WDR7: variants seen among roughly 807,000 people sequenced by gnomAD.
The protein encoded by WDR7 is WD repeat domain 7, also known as WD repeat-containing protein 7.
In WDR7, 46 loss-of-function variants were observed where a neutral mutation model predicts 169.4. That is an observed-to-expected ratio of 0.27 (90% CI 0.21 to 0.35). The LOEUF is 0.35. Ranked by LOEUF, WDR7 falls within the 10% of genes least tolerant of loss-of-function variation. WDR7 has a pLI of 1.00. For synonymous variants in WDR7, 612 were observed against 666.8 expected (o/e 0.92, Z 1.27); for missense variants, 1,534 against 1,859.3 (o/e 0.83, Z 3.22).
intron 16 of WDR7, among the ~76,000 whole-genome samples, chr18:56,765,802 G>GTATC (rs201760137): frequency 1.3e-5 from 2 of 151,758 alleles, no homozygotes; most frequent in Admixed American, 6.6e-5. Context: ...ATGTATGTAT[G>GTATC]TATCTATCTA....
chr18:56,663,379 T>C (rs2024947286), intron 1 of WDR7, among the ~76,000 whole-genome samples: 1 of 152,190 alleles, frequency 6.6e-6, no homozygotes, highest in Non-Finnish European at 1.5e-5. Flanking sequence ...GTGATTTGAA[T>C]ATGGACTAGT....
chr18:56,961,005 C>T (rs980289054), intron 25 of WDR7, among the ~76,000 whole-genome samples: 2 of 151,974 alleles, frequency 1.3e-5, no homozygotes, highest in African/African-American at 2.4e-5. Context: ...TGAGCATTAA[C>T]CTTCCACTAA....
intron 18 of WDR7, 131 bp from the exon 19 acceptor site, chr18:56,781,402 G>T: frequency 1.0e-6 from 1 of 991,018 alleles, no homozygotes; most frequent in East Asian, 3.2e-5. Context: ...TCGGTTAATA[G>T]TGTTTTTCAT....
At chr18:56,907,851 C>T (rs2046500506) in intron 21 of WDR7, among the ~76,000 whole-genome samples, 1 of 152,078 alleles carries the variant, frequency 6.6e-6, no homozygotes, top group South Asian at 2.1e-4. Context: ...GGACCCCCAC[C>T]TCGTAATACC....
chr18:56,840,554 C>G (rs544113087), intron 20 of WDR7, among the ~76,000 whole-genome samples: 1 of 152,256 alleles, frequency 6.6e-6, no homozygotes, highest in Non-Finnish European at 1.5e-5. Flanking sequence ...GACACAGTGG[C>G]TCACTCCTGC....
intron 26 of WDR7, among the ~76,000 whole-genome samples, chr18:56,999,847 A>C (rs971947747): frequency 1.3e-5 from 2 of 152,190 alleles, no homozygotes; most frequent in African/African-American, 4.8e-5. Context: ...ACCCCCCTAG[A>C]GAACGGACCA....
At chr18:56,958,462 A>AT (rs1291318866) in intron 25 of WDR7, among the ~76,000 whole-genome samples, 5 of 151,824 alleles carry the variant, frequency 3.3e-5, no homozygotes, top group Non-Finnish European at 5.9e-5. Flanking sequence ...TCTTAGAGTC[A>AT]TTTTTTTTCC....
the WDR7 span, chr18:57,035,833 G>A: frequency 6.6e-6 from 1 of 152,218 alleles, no homozygotes; most frequent in Non-Finnish European, 1.5e-5. Flanking sequence ...AAGATGGGAG[G>A]GCAGCCAACA....
At chr18:56,691,395 A>G in intron 8 of WDR7, 34 bp downstream of exon 8, 1 of 1,541,920 alleles carries the variant, frequency 6.5e-7, no homozygotes, top group East Asian at 2.4e-5. Flanking sequence ...GACAGTCATC[A>G]AAAGTAAAAG....
At chr18:56,918,997 A>C (rs1031499221) in intron 21 of WDR7, among the ~76,000 whole-genome samples, 30 of 152,226 alleles carry the variant, frequency 2.0e-4, no homozygotes, top group African/African-American at 7.0e-4. Flanking sequence ...CAATAGAATA[A>C]ATGCCAAAAG....
At chr18:56,814,944 G>A (rs2044939285) in intron 19 of WDR7, among the ~76,000 whole-genome samples, 1 of 152,120 alleles carries the variant, frequency 6.6e-6, no homozygotes, top group African/African-American at 2.4e-5. Flanking sequence ...TAGTCCACAA[G>A]TTTAAATCCT....
At chr18:56,762,187 T>A (rs2043989605) in intron 16 of WDR7, among the ~76,000 whole-genome samples, 1 of 152,072 alleles carries the variant, frequency 6.6e-6, no homozygotes, top group African/African-American at 2.4e-5. Flanking sequence ...TTTGTTTTGA[T>A]GTATTATTTT....
chr18:56,854,739 G>A (rs2045692740), intron 20 of WDR7, among the ~76,000 whole-genome samples: 1 of 152,136 alleles, frequency 6.6e-6, no homozygotes, highest in African/African-American at 2.4e-5. Context: ...ATTAGACAAA[G>A]TAGGTGAGGG....
At chr18:57,010,787 AG>A (rs1487701262) in intron 26 of WDR7, among the ~76,000 whole-genome samples, 4 of 152,158 alleles carry the variant, frequency 2.6e-5, no homozygotes, top group Non-Finnish European at 5.9e-5. Flanking sequence ...CAGCAAGAAA[AG>A]GGGAAAGAAG....
chr18:56,723,891 T>C (rs1228858780), intron 13 of WDR7, among the ~76,000 whole-genome samples: 1 of 152,018 alleles, frequency 6.6e-6, no homozygotes, highest in Non-Finnish European at 1.5e-5. Context: ...CTTTTTTTGG[T>C]TTCATTTTAT....
chr18:56,945,600 G>A (rs1172253678), intron 25 of WDR7, among the ~76,000 whole-genome samples: 1 of 152,212 alleles, frequency 6.6e-6, no homozygotes, highest in Non-Finnish European at 1.5e-5. Flanking sequence ...AGATAGGAAG[G>A]TGAAATTTAG....
At chr18:57,019,374 G>C (rs1221731109) in intron 26 of WDR7, among the ~76,000 whole-genome samples, 1 of 152,092 alleles carries the variant, frequency 6.6e-6, no homozygotes, top group African/African-American at 2.4e-5. Context: ...TTACAAACAT[G>C]GGTACTCTGC....
chr18:56,788,668 T>G (rs1289671369), intron 19 of WDR7, among the ~76,000 whole-genome samples: 1 of 152,106 alleles, frequency 6.6e-6, no homozygotes, highest in Non-Finnish European at 1.5e-5. Flanking sequence ...GTATTCTAAT[T>G]GGTGAAAGAA....
chr18:56,652,732 T>C (rs1200779353), intron 1 of WDR7, among the ~76,000 whole-genome samples: 3 of 152,326 alleles, frequency 2.0e-5, no homozygotes, highest in Non-Finnish European at 4.4e-5. Flanking sequence ...TGCCAATCCT[T>C]ATTTTAAGAG....
Sources: gnomAD v4.1 joint callset for allele counts (sites outside exome capture counted in the v4.1 genomes callset) on GRCh38, gnomAD v4.1.1 for gene constraint, MANE v1.5 for transcripts, NCBI Gene and HGNC (gene_info 2026-07-23, HGNC 2026-07-21) for gene names.